Variants in TERB1 observed in about 807,000 individuals in gnomAD.
The protein encoded by TERB1 is telomere repeats-binding bouquet formation protein 1.
Under a neutral mutation model 92.3 loss-of-function variants are expected in TERB1, and 63 were observed. The ratio of observed to expected loss-of-function variants is 0.68; its 90% confidence interval spans 0.56 to 0.84. The LOEUF (loss-of-function observed/expected upper bound fraction) is 0.84, where lower values mean the gene tolerates loss of function less well. Among genes scored for constraint, TERB1 ranks in the 40% least tolerant of loss-of-function variants. The pLI is 0.00. For missense variants in TERB1, 709 were observed against 843.7 expected, an observed-to-expected ratio of 0.84 and a Z score of 1.98; for synonymous variants, 252 against 283.9, an observed-to-expected ratio of 0.89 and a Z score of 1.13.
chr16:66,761,564 G>C (rs1361925716), intron 16 of TERB1, among the ~76,000 whole-genome samples: 1 of 152,292 alleles, frequency 6.6e-6, no homozygotes, highest in African/African-American at 2.4e-5. Context: ...GCCAAGGTGG[G>C]AGGATCACTT....
In TERB1 at chr16:66,798,381, T is replaced by G. The variant is rs1398602794; in HGVS notation, c.-32-1551A>C. On this transcript the variant is annotated intron_variant, in intron 2 of 18. Transcript: ENST00000433154. ...ATTTTTGTAGAGACAGGGATTTTGCTATGTTGCCCAGACTGGTCTTGAATT... is the reference window on the plus strand; with the variant it reads ...ATTTTTGTAGAGACAGGGATTTTGCGATGTTGCCCAGACTGGTCTTGAATT... 4.6e-5 allele frequency among the ~76,000 whole-genome samples: 7 copies of G among 152,236 alleles called. No individual in the cohort carries two copies. The East Asian group carries it at 1.2e-3, about 25-fold the overall frequency.
At chr16:66,769,778 A>G (rs961424762) in intron 14 of TERB1, among the ~76,000 whole-genome samples, 185 bp downstream of exon 14, 7 of 152,154 alleles carry the variant, frequency 4.6e-5, no homozygotes, top group African/African-American at 1.7e-4. Flanking sequence ...GCAGGGCCCT[A>G]GATTAACTGG....
intron 3 of TERB1, among the ~76,000 whole-genome samples, chr16:66,792,151 CTTAAA>C (rs2018846570): frequency 6.6e-6 from 1 of 152,100 alleles, no homozygotes; most frequent in African/African-American, 2.4e-5. Context: ...TGTAACAAAA[CTTAAA>C]CAGGAAAACC....
rs2018826541 is a variant in TERB1 at position 66,791,087 on chromosome 16, A to G, written c.32-68T>C. Reference sequence around the variant, plus strand: ...TTCATAAACTAACCATTCAAATTTCACTTACTAAATACATATCTTTGGAAT... The same window carrying G: ...TTCATAAACTAACCATTCAAATTTCGCTTACTAAATACATATCTTTGGAAT... On this transcript the variant is annotated intron_variant, in intron 3 of 18. Coordinates refer to ENST00000433154, the MANE Select transcript of TERB1 (RefSeq NM_001136505.2). 3 of 829,166 alleles carry G rather than the reference A, an allele frequency of 3.6e-6. No individual in the cohort carries two copies. In the Admixed American group the frequency reaches 8.8e-5, roughly 24 times the overall value. 51.4% of individuals were successfully genotyped at this position (829,166 alleles called of 1,614,324 possible). A position where few individuals can be genotyped will look rare whatever the true frequency, so the allele number is the denominator to read the frequency against.
intron 16 of TERB1, among the ~76,000 whole-genome samples, chr16:66,759,803 A>G (rs571029745): frequency 2.2e-3 from 334 of 148,714 alleles, no homozygotes; most frequent in African/African-American, 7.8e-3. Context: ...GTCTCAAAAA[A>G]AAAAAAAAAA....
chr16:66,790,588 A>G lies in TERB1; in HGVS notation c.271+7T>C. 2 of 1,530,402 alleles carry G rather than the reference A, an allele frequency of 1.3e-6. No homozygotes were observed. The highest frequency in any genetic ancestry group is 8.8e-7 in the Non-Finnish European group (1 of 1,132,190). The allele number at this position is 1,530,402 out of a possible 1,614,324, so 94.8% of individuals were successfully genotyped here. On this transcript the variant is annotated splice_region_variant and intron_variant, in intron 5 of 18. Transcript: ENST00000433154. ...AAAGTATAATGAAATAAAGTTTTAT[A>G]TTTTACCATTTTTCTCTGCAATAGC...
intron 14 of TERB1, among the ~76,000 whole-genome samples, chr16:66,768,797 C>T (rs2018393380): frequency 6.6e-6 from 1 of 151,998 alleles, no homozygotes; most frequent in Non-Finnish European, 1.5e-5. Flanking sequence ...AATAAGTTGG[C>T]TGAGGTAGAA....
intron 16 of TERB1, among the ~76,000 whole-genome samples, chr16:66,765,606 T>C (rs1462587884): frequency 6.6e-6 from 1 of 151,470 alleles, no homozygotes; most frequent in Non-Finnish European, 1.5e-5. Context: ...TACTGGCTCA[T>C]GCTGCCATGC....
At chr16:66,793,504 C>T (rs2018872694) in intron 3 of TERB1, among the ~76,000 whole-genome samples, 1 of 151,702 alleles carries the variant, frequency 6.6e-6, no homozygotes, top group Admixed American at 6.6e-5. Context: ...AAGCATGAGC[C>T]ACTGCACCCG....
Position 66,789,377 on chromosome 16 carries a change from G to A in TERB1, c.272-1080C>T, listed in dbSNP as rs544959500. Among the ~76,000 whole-genome samples, 18 of 39,222 alleles carry A rather than the reference G, an allele frequency of 4.6e-4. 4 individuals carry two copies. The South Asian group carries it at 0.018, about 38-fold the overall frequency. The allele number at this position is 39,222 out of a possible 152,430, so 25.7% of individuals were successfully genotyped here. On this transcript the variant is annotated intron_variant, in intron 5 of 18. Coordinates refer to ENST00000433154, the MANE Select transcript of TERB1 (RefSeq NM_001136505.2). ...AGGCGGGCGGATCACGAGGTCAGGA[G>A]ATCGAGACCATCCTGGCTAACACGG...
intron 16 of TERB1, among the ~76,000 whole-genome samples, chr16:66,761,309 G>A (rs1237927561): frequency 6.7e-5 from 10 of 149,530 alleles, no homozygotes; most frequent in East Asian, 6.0e-4. Flanking sequence ...AAAAGTAGCC[G>A]TGCATGACGG....
chr16:66,798,379 G>A (rs969964171), intron 2 of TERB1, among the ~76,000 whole-genome samples: 9 of 152,116 alleles, frequency 5.9e-5, no homozygotes, highest in Middle Eastern at 6.8e-3. Flanking sequence ...CAGGGATTTT[G>A]CTATGTTGCC....
At chr16:66,774,658 T>G (rs1362103577) in intron 12 of TERB1, among the ~76,000 whole-genome samples, 2 of 150,732 alleles carry the variant, frequency 1.3e-5, no homozygotes, top group African/African-American at 4.9e-5. Flanking sequence ...CTAGTTGTCA[T>G]GTCCAAATTT....
intron 2 of TERB1, among the ~76,000 whole-genome samples, chr16:66,798,040 A>G (rs1400899065): frequency 6.6e-6 from 1 of 151,988 alleles, no homozygotes; most frequent in East Asian, 1.9e-4. Context: ...ATATCCAATT[A>G]TCCATTTATA....
chr16:66,779,326 G>C (rs569269686), intron 9 of TERB1, among the ~76,000 whole-genome samples: 1 of 152,060 alleles, frequency 6.6e-6, no homozygotes, highest in Non-Finnish European at 1.5e-5. Flanking sequence ...GGCCGAGCAT[G>C]GTGGCTCATG....
intron 16 of TERB1, among the ~76,000 whole-genome samples, chr16:66,760,144 A>AAAAG (rs1423001942): frequency 1.5e-4 from 17 of 112,736 alleles, no homozygotes; most frequent in Non-Finnish European, 1.5e-4. Context: ...AAAAAAAAAA[A>AAAAG]AAAAGAAAAG....
chr16:66,764,348 C>T (rs1254242859), intron 16 of TERB1, among the ~76,000 whole-genome samples: 1 of 152,132 alleles, frequency 6.6e-6, no homozygotes, highest in African/African-American at 2.4e-5. Flanking sequence ...TCAAGAAATT[C>T]AGTACTTGAT....
chr16:66,758,584 T>C (rs185510834), intron 18 of TERB1, 189 bp downstream of exon 18: 4 of 466,592 alleles, frequency 8.6e-6, no homozygotes, highest in African/African-American at 8.3e-5. Flanking sequence ...CTACTAAAAA[T>C]ACAAAAACCA....
intron 4 of TERB1, 84 bp from the exon 5 acceptor site, chr16:66,790,807 T>C: frequency 6.9e-7 from 1 of 1,448,298 alleles, no homozygotes; most frequent in East Asian, 2.5e-5. Flanking sequence ...CGTAACATGA[T>C]ATGTAGAATA....
Sources: gnomAD v4.1 joint callset for allele counts (sites outside exome capture counted in the v4.1 genomes callset) on GRCh38, gnomAD v4.1.1 for gene constraint, MANE v1.5 for transcripts, NCBI Gene and HGNC (gene_info 2026-07-23, HGNC 2026-07-21) for gene names.